GABBR2: variants seen among roughly 807,000 people sequenced by gnomAD.
GABBR2 encodes the protein G-protein coupled receptor 51.
In GABBR2, 23 loss-of-function variants were observed where a neutral mutation model predicts 105.6. The observed-to-expected ratio is 0.22, with a 90% CI of 0.16 to 0.31. The LOEUF (loss-of-function observed/expected upper bound fraction) is 0.31, where lower values mean the gene tolerates loss of function less well. GABBR2 is among the 10% of genes least tolerant of loss of function. The pLI is 1.00. For missense variants in GABBR2, 734 were observed against 1,245.5 expected (o/e 0.59, Z 6.18); for synonymous variants, 478 against 499.7 (o/e 0.96, Z 0.58).
intron 1 of GABBR2, among the ~76,000 whole-genome samples, chr9:98,671,757 G>A (rs959822616): frequency 1.3e-5 from 2 of 152,110 alleles, no homozygotes; most frequent in Admixed American, 6.5e-5. Context: ...TTTAAATGGG[G>A]GCCCAATACA....
Position 98,454,269 on chromosome 9 carries a change from C to G in GABBR2, c.1000-52G>C. Reference sequence around the variant, plus strand: ...CCCAAGTTATACTCGGCAGGGACATCAGGTGCCTGATGCCGAGAAGAGCTG... The same window carrying G: ...CCCAAGTTATACTCGGCAGGGACATGAGGTGCCTGATGCCGAGAAGAGCTG... On this transcript the variant is annotated intron_variant, in intron 6 of 18. Transcript: ENST00000259455. This position sits in a 1 kb window ranked among gnomAD's most constrained non-coding sequence, Gnocchi z 4.6. The G allele has an allele frequency of 7.9e-7, 1 of 1,260,126 alleles. No homozygotes were observed. The highest frequency in any genetic ancestry group is 1.2e-6 in the Non-Finnish European group (1 of 857,614). The allele number at this position is 1,260,126 out of a possible 1,614,324, so 78.1% of individuals were successfully genotyped here. A position where few individuals can be genotyped will look rare whatever the true frequency, so the allele number is the denominator to read the frequency against.
chr9:98,524,658 G>T (rs981647199), intron 3 of GABBR2, among the ~76,000 whole-genome samples: 1 of 151,996 alleles, frequency 6.6e-6, no homozygotes, highest in African/African-American at 2.4e-5. Context: ...ACTGTTTATC[G>T]CTCACACACT....
intron 2 of GABBR2, among the ~76,000 whole-genome samples, chr9:98,573,457 A>G (rs1406868468): frequency 2.0e-5 from 3 of 151,946 alleles, no homozygotes; most frequent in African/African-American, 7.3e-5. Flanking sequence ...TAAATTTTAT[A>G]ATTTTTTGTA....
At chr9:98,508,545 A>T (rs1254320277) in intron 3 of GABBR2, among the ~76,000 whole-genome samples, 7 of 152,212 alleles carry the variant, frequency 4.6e-5, no homozygotes. Flanking sequence ...GGCACCTGGA[A>T]AATTGGGTCA....
At chr9:98,473,114 C>G in intron 6 of GABBR2, 32 bp downstream of exon 6, 1 of 1,525,668 alleles carries the variant, frequency 6.6e-7, no homozygotes, top group Non-Finnish European at 9.1e-7. Context: ...GGAGGTGGGC[C>G]AGAAGGTTGA....
intron 6 of GABBR2, among the ~76,000 whole-genome samples, chr9:98,460,706 G>A (rs533647344): frequency 6.6e-6 from 1 of 152,190 alleles, no homozygotes; most frequent in Admixed American, 6.5e-5. Context: ...TAGAAGGTGA[G>A]AAAAGAGAGA....
intron 1 of GABBR2, among the ~76,000 whole-genome samples, chr9:98,664,535 A>T (rs1243323900): frequency 1.3e-5 from 2 of 152,236 alleles, no homozygotes; most frequent in Admixed American, 6.5e-5. Context: ...GCATTTACAT[A>T]GAACTAATGG....
At chr9:98,681,973 G>A (rs1172554694) in intron 1 of GABBR2, among the ~76,000 whole-genome samples, 1 of 152,132 alleles carries the variant, frequency 6.6e-6, no homozygotes, top group Non-Finnish European at 1.5e-5. Context: ...TGTAATCCCA[G>A]CACTTTGTAA....
At chr9:98,665,700 A>G (rs1266753060) in intron 1 of GABBR2, among the ~76,000 whole-genome samples, 1 of 152,162 alleles carries the variant, frequency 6.6e-6, no homozygotes, top group African/African-American at 2.4e-5. Context: ...GGCAGCACTT[A>G]ATGTGCTTCT....
chr9:98,510,394 T>C (rs898913589), intron 3 of GABBR2, among the ~76,000 whole-genome samples: 57 of 152,156 alleles, frequency 3.7e-4, no homozygotes, highest in African/African-American at 1.4e-3. Flanking sequence ...AACATCATAA[T>C]GAGAGGATCA....
intron 11 of GABBR2, 74 bp downstream of exon 11, chr9:98,385,566 T>C: frequency 8.2e-7 from 1 of 1,222,864 alleles, no homozygotes; most frequent in Non-Finnish European, 1.2e-6. Flanking sequence ...TGGGTTTGCA[T>C]CTGTGTTTTC....
At chr9:98,626,778 G>C (rs1829743081) in intron 1 of GABBR2, among the ~76,000 whole-genome samples, 1 of 152,152 alleles carries the variant, frequency 6.6e-6, no homozygotes, top group African/African-American at 2.4e-5. Context: ...GCTCTGCGAT[G>C]CAGTGGCCTA....
chr9:98,500,713 A>T (rs1827381099), intron 3 of GABBR2, among the ~76,000 whole-genome samples: 1 of 152,164 alleles, frequency 6.6e-6, no homozygotes, highest in African/African-American at 2.4e-5. Flanking sequence ...TGTTGACTTG[A>T]CACCTCCTCC....
chr9:98,595,030 G>T (rs944452630), intron 1 of GABBR2, among the ~76,000 whole-genome samples: 9 of 152,270 alleles, frequency 5.9e-5, no homozygotes, highest in African/African-American at 2.2e-4. Flanking sequence ...TCACCGCAGA[G>T]AATGGTGTCT....
rs377537980 is a variant in GABBR2, at chr9:98,602,407, G to C, written c.322-24335C>G. On this transcript the variant is annotated intron_variant, in intron 1 of 18. Transcript: ENST00000259455. ...GAATCGCTTGAACCCGGGAGGCAGAGGGTGCAGTGAGCCGAGATCGCACCA... is the reference window on the plus strand; with the variant it reads ...GAATCGCTTGAACCCGGGAGGCAGACGGTGCAGTGAGCCGAGATCGCACCA... 4.6e-4 allele frequency among the ~76,000 whole-genome samples: 69 copies of C among 151,080 alleles called. 4 individuals are homozygous for C. The South Asian group carries it at 0.015, about 32-fold the overall frequency.
At chr9:98,614,813 T>C (rs140004952) in intron 1 of GABBR2, among the ~76,000 whole-genome samples, 5 of 152,056 alleles carry the variant, frequency 3.3e-5, no homozygotes, top group African/African-American at 1.2e-4. Context: ...CAGACATGCA[T>C]GAAGATCAAC....
At chr9:98,303,459 G>C (rs777835782) in intron 15 of GABBR2, 36 bp from the exon 16 acceptor site, 16 of 1,581,542 alleles carry the variant, frequency 1.0e-5, no homozygotes, top group African/African-American at 1.3e-5. Flanking sequence ...GTTGAAGAGA[G>C]AGCCTTGAGT....
intron 8 of GABBR2, 117 bp downstream of exon 8, chr9:98,405,964 G>C: frequency 1.4e-6 from 1 of 696,612 alleles, no homozygotes; most frequent in Non-Finnish European, 2.5e-6. Flanking sequence ...AATTGGCTCT[G>C]CTTTCTTTTA....
intron 13 of GABBR2, among the ~76,000 whole-genome samples, chr9:98,346,711 C>A (rs1831309152): frequency 6.6e-6 from 1 of 152,252 alleles, no homozygotes; most frequent in Middle Eastern, 3.4e-3. Flanking sequence ...GTTAACCAAC[C>A]TCTCCCCATA....
Sources: allele counts gnomAD v4.1 joint callset (sites outside exome capture counted in the v4.1 genomes callset), GRCh38; gene constraint gnomAD v4.1.1; non-coding constraint Gnocchi (gnomAD v3.1); transcripts MANE v1.5; gene names NCBI Gene and HGNC (gene_info 2026-07-23, HGNC 2026-07-21).